Variants in VTI1A observed in about 807,000 individuals in gnomAD.
VTI1A encodes the protein vesicle transport through interaction with t-SNAREs 1A.
Under a neutral mutation model 34.9 loss-of-function variants are expected in VTI1A, and 22 were observed. The observed-to-expected ratio is 0.63, with a 90% CI of 0.45 to 0.90. VTI1A has a LOEUF of 0.90. Among genes scored for constraint, VTI1A ranks in the 40% least tolerant of loss-of-function variants. The pLI is 0.00. For synonymous variants in VTI1A, 87 were observed against 97.3 expected, an observed-to-expected ratio of 0.89 and a Z score of 0.62; for missense variants, 268 against 275.6, an observed-to-expected ratio of 0.97 and a Z score of 0.20.
intron 5 of VTI1A, among the ~76,000 whole-genome samples, chr10:112,662,865 A>G (rs1049805291): frequency 6.6e-6 from 1 of 152,224 alleles, no homozygotes; most frequent in Non-Finnish European, 1.5e-5. Flanking sequence ...TGAAGCTGTA[A>G]TAAGATTGGA....
intron 3 of VTI1A, among the ~76,000 whole-genome samples, chr10:112,465,576 G>A (rs940626324): frequency 4.6e-5 from 7 of 152,294 alleles, no homozygotes; most frequent in East Asian, 1.9e-4. Context: ...AATGAACCTC[G>A]AAGACATTAT....
intron 5 of VTI1A, among the ~76,000 whole-genome samples, chr10:112,567,190 C>T (rs61623445): frequency 1.4e-3 from 219 of 152,064 alleles, no homozygotes; most frequent in African/African-American, 5.0e-3. Context: ...CCACCATGCC[C>T]GGCTAATTTT....
At chr10:112,758,241 T>C (rs1564914184) in intron 7 of VTI1A, among the ~76,000 whole-genome samples, 2 of 152,156 alleles carry the variant, frequency 1.3e-5, no homozygotes, top group Non-Finnish European at 2.9e-5. Context: ...TAGAGTCCCA[T>C]ATTACTGCAG....
intron 5 of VTI1A, among the ~76,000 whole-genome samples, chr10:112,633,536 G>A (rs1375013474): frequency 6.6e-6 from 1 of 152,176 alleles, no homozygotes; most frequent in East Asian, 1.9e-4. Flanking sequence ...AAACACCGGG[G>A]CTGGAACAAC....
At chr10:112,719,676 A>G (rs1849730622) in intron 7 of VTI1A, among the ~76,000 whole-genome samples, 1 of 152,044 alleles carries the variant, frequency 6.6e-6, no homozygotes. Context: ...CTTTCCGAGT[A>G]GTTGGGATTA....
chr10:112,585,102 A>C (rs543182594), intron 5 of VTI1A, among the ~76,000 whole-genome samples: 1 of 152,354 alleles, frequency 6.6e-6, no homozygotes, highest in Admixed American at 6.5e-5. Flanking sequence ...TAGAATATAT[A>C]ATGCTACTGG....
At chr10:112,624,583 T>C (rs1161634594) in intron 5 of VTI1A, among the ~76,000 whole-genome samples, 1 of 152,212 alleles carries the variant, frequency 6.6e-6, no homozygotes, top group Non-Finnish European at 1.5e-5. Flanking sequence ...GATAAATGCT[T>C]ATAAGTGAAA....
intron 7 of VTI1A, among the ~76,000 whole-genome samples, chr10:112,692,962 A>G (rs927905239): frequency 5.3e-5 from 8 of 152,238 alleles, no homozygotes; most frequent in Non-Finnish European, 1.0e-4. Context: ...CATAATATGC[A>G]TTCAATAAAT....
chr10:112,684,691 G>A (rs1387720800), intron 7 of VTI1A, among the ~76,000 whole-genome samples: 3 of 151,946 alleles, frequency 2.0e-5, no homozygotes, highest in African/African-American at 7.3e-5. Context: ...GGCCCATCTC[G>A]GCCTCCCAAA....
At chr10:112,559,053 G>A (rs1166126644) in intron 5 of VTI1A, among the ~76,000 whole-genome samples, 1 of 152,096 alleles carries the variant, frequency 6.6e-6, no homozygotes, top group Admixed American at 6.5e-5. Context: ...AAGTGCTCCC[G>A]TAACTGGCAA....
chr10:112,673,927 T>C (rs7070933), intron 7 of VTI1A, among the ~76,000 whole-genome samples: 40,479 of 149,282 alleles, frequency 0.27, 6,054 homozygotes, highest in East Asian at 0.56. Flanking sequence ...GTTTAAGCTT[T>C]TTTTAAAAAC....
At chr10:112,675,517 T>A (rs2133849400) in intron 7 of VTI1A, among the ~76,000 whole-genome samples, 1 of 152,324 alleles carries the variant, frequency 6.6e-6, no homozygotes, top group African/African-American at 2.4e-5. Context: ...GCAGCTACTG[T>A]ATGCCACAGG....
At chr10:112,611,555 T>C (rs998157434) in intron 5 of VTI1A, among the ~76,000 whole-genome samples, 1 of 152,140 alleles carries the variant, frequency 6.6e-6, no homozygotes, top group Non-Finnish European at 1.5e-5. Flanking sequence ...GTTGAGTTCC[T>C]TAGAGGTCAT....
At chr10:112,698,849 G>A (rs1848888125) in intron 7 of VTI1A, among the ~76,000 whole-genome samples, 1 of 152,084 alleles carries the variant, frequency 6.6e-6, no homozygotes, top group Non-Finnish European at 1.5e-5. Context: ...ATCTAAGATT[G>A]GTGCCTAATA....
rs1845639997 is a variant in VTI1A, at chr10:112,619,278, A to G, written c.428-48940A>G. Among the ~76,000 whole-genome samples the G allele has an allele frequency of 2.0e-5, 3 of 152,286 alleles. No homozygotes were observed. The South Asian group carries it at 6.2e-4, about 32-fold the overall frequency. On this transcript the variant is annotated intron_variant, in intron 5 of 7. Transcript: ENST00000393077. ...AGTGGAAAGGGGGCTTAATGGGAATAAAAATGTGGAAATAAGACAGACATG... is the reference window on the plus strand; with the variant it reads ...AGTGGAAAGGGGGCTTAATGGGAATGAAAATGTGGAAATAAGACAGACATG...
intron 5 of VTI1A, among the ~76,000 whole-genome samples, chr10:112,653,784 A>T (rs1847125880): frequency 6.6e-6 from 1 of 152,138 alleles, no homozygotes; most frequent in Non-Finnish European, 1.5e-5. Context: ...ATATATACTG[A>T]ATGTATGCAG....
the VTI1A span, among the ~76,000 whole-genome samples, chr10:112,830,751 C>A: frequency 6.9e-6 from 1 of 144,762 alleles, no homozygotes; most frequent in South Asian, 2.3e-4. Flanking sequence ...CTGCTGTTTC[C>A]TCCATCTCAG....
intron 7 of VTI1A, chr10:112,737,397 AT>A (rs1452825409): frequency 3.9e-6 from 4 of 1,031,892 alleles, no homozygotes; most frequent in Non-Finnish European, 4.7e-6. Context: ...ATTTTGTCCC[AT>A]AAGAAGATAA....
chr10:112,668,714 G>A (rs952215841), intron 6 of VTI1A, among the ~76,000 whole-genome samples: 6 of 152,102 alleles, frequency 3.9e-5, no homozygotes, highest in African/African-American at 1.4e-4. Context: ...TTTATGTCCA[G>A]TTCTAGTATC....
Sources: allele counts gnomAD v4.1 joint callset (sites outside exome capture counted in the v4.1 genomes callset), GRCh38; gene constraint gnomAD v4.1.1; transcripts MANE v1.5; gene names NCBI Gene and HGNC (gene_info 2026-07-23, HGNC 2026-07-21).